The following ARHGAP21 variants were observed in gnomAD, a reference collection of about 807,000 sequenced individuals.
ARHGAP21 encodes the protein rho GTPase-activating protein 21.
ARHGAP21 carries 38 observed loss-of-function variants against 164.6 expected under a neutral mutation model. The observed-to-expected ratio is 0.23, with a 90% CI of 0.18 to 0.30. The LOEUF (loss-of-function observed/expected upper bound fraction) is 0.30. Among genes scored for constraint, ARHGAP21 ranks in the 10% least tolerant of loss-of-function variants. ARHGAP21 has a pLI of 1.00. For missense variants in ARHGAP21, 1,822 were observed against 2,370.7 expected (o/e 0.77, Z 4.81); for synonymous variants, 766 against 857.9 (o/e 0.89, Z 1.87).
At chr10:24,658,572 G>T (rs905852549) in intron 4 of ARHGAP21, among the ~76,000 whole-genome samples, 1 of 152,074 alleles carries the variant, frequency 6.6e-6, no homozygotes, top group East Asian at 1.9e-4. Flanking sequence ...GCAAACTATC[G>T]CAAGGATAGA....
chr10:24,648,851 T>G (rs894281457), intron 4 of ARHGAP21: 2 of 985,056 alleles, frequency 2.0e-6, no homozygotes, highest in Non-Finnish European at 2.4e-6. Flanking sequence ...CCTTTATATC[T>G]GAGGCTCCCA....
chr10:24,708,767 C>T (rs1003271142), intron 2 of ARHGAP21, among the ~76,000 whole-genome samples: 4 of 152,190 alleles, frequency 2.6e-5, no homozygotes, highest in African/African-American at 7.2e-5. Context: ...TTCATTCTTT[C>T]TTATGGCTGA....
At chr10:24,648,987 TATAG>T (rs1205000132) in intron 4 of ARHGAP21, 4 of 424,798 alleles carry the variant, frequency 9.4e-6, no homozygotes, top group Non-Finnish European at 1.3e-5. Context: ...ACTAGCTACA[TATAG>T]AATCACTTTT....
At chr10:24,593,534 T>C (rs924850566) in intron 21 of ARHGAP21, among the ~76,000 whole-genome samples, 1 of 152,022 alleles carries the variant, frequency 6.6e-6, no homozygotes, top group African/African-American at 2.4e-5. Flanking sequence ...GGTTCCTACA[T>C]AAAACTGGTA....
At chr10:24,631,939 T>C (rs1835894191) in intron 6 of ARHGAP21, among the ~76,000 whole-genome samples, 1 of 152,044 alleles carries the variant, frequency 6.6e-6, no homozygotes, top group South Asian at 2.1e-4. Flanking sequence ...CAGGCTGGTA[T>C]CAAACTCCTA....
intron 7 of ARHGAP21, 32 bp downstream of exon 7, chr10:24,629,964 A>G: frequency 6.9e-7 from 1 of 1,448,648 alleles, no homozygotes; most frequent in Non-Finnish European, 9.6e-7. Flanking sequence ...CATGACTGTA[A>G]AACAACTCAT....
intron 2 of ARHGAP21, among the ~76,000 whole-genome samples, chr10:24,716,570 G>A (rs367716486): frequency 6.6e-6 from 1 of 152,250 alleles, no homozygotes; most frequent in Non-Finnish European, 1.5e-5. Flanking sequence ...GCTCAGGGAG[G>A]GGGAAGGACC....
intron 4 of ARHGAP21, among the ~76,000 whole-genome samples, chr10:24,648,642 T>TG (rs1012646673): frequency 2.6e-5 from 4 of 151,996 alleles, no homozygotes; most frequent in South Asian, 4.2e-4. Context: ...TAGCCAGGCG[T>TG]GGTGGTAGGT....
At chr10:24,703,203 A>G (rs1474199796) in intron 2 of ARHGAP21, among the ~76,000 whole-genome samples, 2 of 152,136 alleles carry the variant, frequency 1.3e-5, no homozygotes, top group African/African-American at 4.8e-5. Flanking sequence ...AATTAAGTAA[A>G]CCAATTTTAA....
intron 14 of ARHGAP21, 66 bp from the exon 15 acceptor site, chr10:24,598,075 GGCTTTCTATTGTACT>G: frequency 7.7e-7 from 1 of 1,306,780 alleles, no homozygotes; most frequent in South Asian, 1.3e-5. Flanking sequence ...ACTTTTTTGA[GGCTTTCTATTGTACT>G]GCTTTGCTTA....
At chr10:24,614,555 G>C (rs1166079062) in intron 9 of ARHGAP21, among the ~76,000 whole-genome samples, 1 of 152,104 alleles carries the variant, frequency 6.6e-6, no homozygotes, top group Non-Finnish European at 1.5e-5. Flanking sequence ...CACTTTGGGA[G>C]GTTGAGGCAG....
chr10:24,617,871 G>A (rs1468117909), intron 9 of ARHGAP21, among the ~76,000 whole-genome samples: 1 of 139,916 alleles, frequency 7.1e-6, no homozygotes, highest in African/African-American at 2.5e-5. Flanking sequence ...AAACCCATGG[G>A]ACACCAGGGG....
chr10:24,619,605 C>T lies in ARHGAP21; in HGVS notation c.2290G>A (p.Glu764Lys). ...CAGCAGGTAGTGTCTGACCCGGTCT[C>T]CTGGTCATTTACTGCCAAGATGTAA... Reference protein sequence around the residue: ...QSYILAVNDQETGSDTTCWLP... With the variant: ...QSYILAVNDQKTGSDTTCWLP... The change falls in exon 9 of 26, where the codon GAG becomes AAG. Residue 764 changes from glutamate to lysine, a missense_variant. Glu to Lys is a moderately conservative substitution (Grantham distance 56). Transcript: ENST00000396432. 1 of 1,614,164 alleles carries T rather than the reference C, an allele frequency of 6.2e-7. No homozygotes were observed. The highest frequency in any genetic ancestry group is 1.7e-5 in the Admixed American group (1 of 60,028).
At chr10:24,656,321 C>A (rs1838910002) in intron 4 of ARHGAP21, among the ~76,000 whole-genome samples, 3 of 105,890 alleles carry the variant, frequency 2.8e-5, no homozygotes, top group African/African-American at 4.1e-5. Flanking sequence ...TGGCCAGCCA[C>A]CCCGTCCGGG....
chr10:24,679,295 A>G (rs756197055), intron 2 of ARHGAP21, among the ~76,000 whole-genome samples: 9 of 152,220 alleles, frequency 5.9e-5, no homozygotes, highest in African/African-American at 1.4e-4. Context: ...GTGAAGGCCT[A>G]CTTCCTAAAT....
intron 2 of ARHGAP21, among the ~76,000 whole-genome samples, chr10:24,698,380 C>T (rs1843361095): frequency 1.3e-5 from 2 of 152,196 alleles, no homozygotes; most frequent in East Asian, 1.9e-4. Flanking sequence ...AACCAAGCAG[C>T]GGCAAAGTGA....
At chr10:24,613,687 T>C (rs1004069780) in intron 9 of ARHGAP21, among the ~76,000 whole-genome samples, 11 of 151,918 alleles carry the variant, frequency 7.2e-5, no homozygotes, top group South Asian at 2.1e-4. Context: ...GGGAGTGGAG[T>C]TGTAAATCCA....
intron 4 of ARHGAP21, chr10:24,640,181 AC>A (rs2131416745): frequency 6.6e-6 from 1 of 151,970 alleles, no homozygotes; most frequent in East Asian, 1.9e-4. Flanking sequence ...TGGCCATACC[AC>A]CTTAAATGTG....
At chr10:24,659,319 CTCTT>C (rs1364648991) in intron 4 of ARHGAP21, among the ~76,000 whole-genome samples, 2 of 150,120 alleles carry the variant, frequency 1.3e-5, no homozygotes, top group South Asian at 4.1e-4. Flanking sequence ...GAACAGAATC[CTCTT>C]TCTTTTTTTT....
Sources: allele counts gnomAD v4.1 joint callset (sites outside exome capture counted in the v4.1 genomes callset), GRCh38; gene constraint gnomAD v4.1.1; transcripts MANE v1.5; gene names NCBI Gene and HGNC (gene_info 2026-07-23, HGNC 2026-07-21).